The following CNTN5 variants were observed in gnomAD, a reference collection of about 807,000 sequenced individuals.
CNTN5 encodes contactin-5.
In CNTN5, 77 loss-of-function variants were observed where a neutral mutation model predicts 129.1. The observed-to-expected ratio is 0.60, with a 90% CI of 0.50 to 0.72. The LOEUF is 0.72. CNTN5 is among the 30% of genes least tolerant of loss of function. CNTN5 has a pLI of 0.00. For synonymous variants in CNTN5, 509 were observed against 465.6 expected (o/e 1.09, Z -1.20); for missense variants, 1,478 against 1,328.8 (o/e 1.11, Z -1.75).
chr11:99,698,918 A>C (rs1954393106), intron 3 of CNTN5, among the ~76,000 whole-genome samples: 1 of 151,112 alleles, frequency 6.6e-6, no homozygotes, highest in Admixed American at 6.6e-5. Flanking sequence ...AAAACATAAA[A>C]AAAAAAAAAA....
chr11:99,797,133 T>C (rs1945969695), intron 3 of CNTN5, among the ~76,000 whole-genome samples: 1 of 152,146 alleles, frequency 6.6e-6, no homozygotes. Flanking sequence ...TGTATCACAT[T>C]TCTTAATGCA....
At chr11:100,118,318 C>G (rs1401700563) in intron 13 of CNTN5, among the ~76,000 whole-genome samples, 1 of 151,762 alleles carries the variant, frequency 6.6e-6, no homozygotes, top group Admixed American at 6.6e-5. Context: ...AATTTGCTAA[C>G]CTCTACTGTG....
intron 3 of CNTN5, among the ~76,000 whole-genome samples, chr11:99,723,750 TTGTG>T (rs954964000): frequency 2.0e-5 from 3 of 151,902 alleles, no homozygotes; most frequent in African/African-American, 4.8e-5. Context: ...ATGCAGTAAA[TTGTG>T]TGTGTGTATG....
intron 3 of CNTN5, among the ~76,000 whole-genome samples, chr11:99,626,656 T>C (rs138027999): frequency 2.0e-5 from 3 of 152,248 alleles, no homozygotes; most frequent in African/African-American, 7.2e-5. Context: ...ATACTATATA[T>C]GAGGATAAAG....
intron 3 of CNTN5, among the ~76,000 whole-genome samples, chr11:99,675,014 GT>G (rs572961006): frequency 0.012 from 195 of 16,090 alleles, 2 homozygotes; most frequent in Admixed American, 0.03. Flanking sequence ...CATTTTTCTG[GT>G]TTTGTTTTGT....
intron 23 of CNTN5, among the ~76,000 whole-genome samples, chr11:100,342,955 G>A (rs1952199307): frequency 6.6e-6 from 1 of 152,056 alleles, no homozygotes; most frequent in Non-Finnish European, 1.5e-5. Flanking sequence ...ACAAATGGCA[G>A]AAATAGCAAT....
intron 9 of CNTN5, among the ~76,000 whole-genome samples, chr11:100,051,677 C>G (rs1188562861): frequency 6.6e-6 from 1 of 151,672 alleles, no homozygotes. Flanking sequence ...AAACTCAAAT[C>G]TCATTTTTAG....
chr11:99,629,889 T>A (rs1951276046), intron 3 of CNTN5, among the ~76,000 whole-genome samples: 1 of 151,748 alleles, frequency 6.6e-6, no homozygotes, highest in African/African-American at 2.4e-5. Flanking sequence ...TGATATAAAA[T>A]ATTTGATAAA....
rs1861667986 is a variant in CNTN5, at chr11:99,243,549, GA to G, written c.-209-81795del. On this transcript the variant is annotated intron_variant, in intron 1 of 24. Transcript: ENST00000524871. ...AATTGTTTTCCAAGGCTGATGTTCA[GA>G]ATGGCATTTCCTAAGATTTTCTTCT... 3.9e-5 allele frequency among the ~76,000 whole-genome samples: 6 copies of G among 152,048 alleles called. No individual in the cohort carries two copies. In the South Asian group the frequency reaches 1.2e-3, roughly 32 times the overall value.
At chr11:99,075,280 C>A (rs1195694083) in intron 1 of CNTN5, among the ~76,000 whole-genome samples, 1 of 151,940 alleles carries the variant, frequency 6.6e-6, no homozygotes, top group Non-Finnish European at 1.5e-5. Flanking sequence ...GATGTATGGG[C>A]CTAAAAACAC....
chr11:100,334,523 G>A (rs189964656), intron 21 of CNTN5, among the ~76,000 whole-genome samples: 10 of 152,072 alleles, frequency 6.6e-5, no homozygotes, highest in East Asian at 3.9e-4. Flanking sequence ...AATATGGAAC[G>A]AGCCCAAATG....
chr11:99,907,838 T>A (rs1591399414), intron 6 of CNTN5, among the ~76,000 whole-genome samples: 1 of 152,046 alleles, frequency 6.6e-6, no homozygotes, highest in East Asian at 1.9e-4. Context: ...ACTGATAACA[T>A]TGTTTTGCTC....
At chr11:100,341,507 C>G (rs1952161941) in intron 23 of CNTN5, among the ~76,000 whole-genome samples, 1 of 152,178 alleles carries the variant, frequency 6.6e-6, no homozygotes, top group Non-Finnish European at 1.5e-5. Flanking sequence ...GCAGAGAATT[C>G]TGGCATATTC....
At chr11:99,212,742 C>T (rs1859872185) in intron 1 of CNTN5, among the ~76,000 whole-genome samples, 3 of 152,110 alleles carry the variant, frequency 2.0e-5, no homozygotes, top group Admixed American at 1.3e-4. Flanking sequence ...AAAGTCTTAA[C>T]ACATTTAAAA....
At chr11:99,430,825 G>C (rs1215348260) in intron 2 of CNTN5, among the ~76,000 whole-genome samples, 2 of 152,052 alleles carry the variant, frequency 1.3e-5, no homozygotes, top group East Asian at 1.9e-4. Flanking sequence ...CCAAACCCAG[G>C]CTGCCTTAGT....
intron 3 of CNTN5, among the ~76,000 whole-genome samples, chr11:99,579,184 G>T (rs201664901): frequency 6.6e-6 from 1 of 152,076 alleles, no homozygotes; most frequent in Non-Finnish European, 1.5e-5. Context: ...TGTTCCATTG[G>T]TCTATATCCT....
At chr11:99,671,829 T>C (rs1026499059) in intron 3 of CNTN5, among the ~76,000 whole-genome samples, 1 of 152,186 alleles carries the variant, frequency 6.6e-6, no homozygotes, top group African/African-American at 2.4e-5. Context: ...ATTTTAAGTT[T>C]AGAGGTATAA....
At chr11:99,431,861 G>T (rs113768029) in intron 2 of CNTN5, among the ~76,000 whole-genome samples, 2 of 152,096 alleles carry the variant, frequency 1.3e-5, no homozygotes, top group Non-Finnish European at 2.9e-5. Context: ...CAAGAGGGAG[G>T]GCATGGTCAC....
chr11:99,820,510 A>G (rs943838916), intron 4 of CNTN5, among the ~76,000 whole-genome samples: 30 of 152,304 alleles, frequency 2.0e-4, no homozygotes, highest in African/African-American at 6.8e-4. Flanking sequence ...TATAGTTTGA[A>G]TAACATTTTC....
Sources: allele counts gnomAD v4.1 joint callset (sites outside exome capture counted in the v4.1 genomes callset), GRCh38; gene constraint gnomAD v4.1.1; transcripts MANE v1.5; gene names NCBI Gene and HGNC (gene_info 2026-07-23, HGNC 2026-07-21).